Variants in FSHR observed in about 807,000 individuals in gnomAD.
The protein encoded by FSHR is follicle stimulating hormone receptor, also known as follicle-stimulating hormone receptor.
In FSHR, 46 loss-of-function variants were observed where a neutral mutation model predicts 52.1. The ratio of observed to expected loss-of-function variants is 0.88; its 90% CI spans 0.70 to 1.13. The LOEUF is 1.13. Among genes scored for constraint, FSHR ranks in the 50% most tolerant of loss-of-function variants. The pLI is 0.00. For synonymous variants in FSHR, 399 were observed against 309.6 expected, an observed-to-expected ratio of 1.29 and a Z score of -3.03; for missense variants, 964 against 834.6, an observed-to-expected ratio of 1.16 and a Z score of -1.91.
Position 48,963,889 on chromosome 2 carries a change from C to A in FSHR, c.932G>T (p.Arg311Ile). The change falls in exon 10 of 10, where the codon AGA becomes ATA. Residue 311 changes from arginine (R) to isoleucine (I), a missense_variant. By Grantham distance (97) the Arg-to-Ile change is moderately conservative (BLOSUM62 -3). Coordinates refer to ENST00000406846, the MANE Select transcript of FSHR (RefSeq NM_000145.4). ...CTCATTGTCTTCTGCCAGAGAGGAT[C>A]TCTGACCCCTAGCCTGAGTCATATA... is the stretch of plus-strand genomic sequence containing the variant. ...VDYMTQARGQ[R>I]SSLAEDNESS... 2 of 1,614,080 alleles carry A rather than the reference C, an allele frequency of 1.2e-6. No homozygotes were observed. The highest frequency in any genetic ancestry group is 1.7e-6 in the Non-Finnish European group (2 of 1,179,980).
intron 2 of FSHR, among the ~76,000 whole-genome samples, chr2:49,029,218 C>T (rs1001588053): frequency 6.6e-6 from 1 of 152,174 alleles, no homozygotes; most frequent in Non-Finnish European, 1.5e-5. Flanking sequence ...TATTTACTAC[C>T]TGTGATTGAG....
intron 4 of FSHR, among the ~76,000 whole-genome samples, chr2:48,995,277 A>C (rs2104120493): frequency 6.6e-6 from 1 of 152,212 alleles, no homozygotes; most frequent in South Asian, 2.1e-4. Flanking sequence ...AACACTCAGA[A>C]TGGTCTGGTG....
In FSHR at chr2:49,124,673, C is replaced by T. The variant is rs925603881; in HGVS notation, c.152+29593G>A. On this transcript the variant is annotated intron_variant, in intron 1 of 9. Transcript: ENST00000406846. ...CAACCTTCAAACTATGCCCAGAATC[C>T]GACCCCTTCTCATCACCTTCTCTGT... 9.2e-5 allele frequency among the ~76,000 whole-genome samples: 14 copies of T among 152,216 alleles called. No individual in the cohort carries two copies. In the East Asian group the frequency reaches 2.1e-3, roughly 23 times the overall value.
At chr2:49,060,764 G>C (rs887904313) in intron 2 of FSHR, among the ~76,000 whole-genome samples, 1 of 152,120 alleles carries the variant, frequency 6.6e-6, no homozygotes, top group Admixed American at 6.5e-5. Flanking sequence ...CCTATTCTGG[G>C]CTTCTGAGAT....
chr2:49,092,446 A>G lies in FSHR; in HGVS notation c.153-24156T>C, dbSNP rs546195056. On this transcript the variant is annotated intron_variant, in intron 1 of 9. Coordinates refer to ENST00000406846, the MANE Select transcript of FSHR (RefSeq NM_000145.4). The stretch of plus-strand genomic sequence containing the variant: ...GTGAAAGTGGACATTCTTGCTTTTT[A>G]TGTTTCACAATTAAGTATGGTGTTT... 3.9e-5 allele frequency among the ~76,000 whole-genome samples: 6 copies of G among 152,256 alleles called. No individual in the cohort carries two copies. The South Asian group carries it at 6.2e-4, about 16-fold the overall frequency.
chr2:49,071,951 G>C (rs1458410353), intron 1 of FSHR, among the ~76,000 whole-genome samples: 1 of 152,090 alleles, frequency 6.6e-6, no homozygotes, highest in Non-Finnish European at 1.5e-5. Flanking sequence ...CCTCCCACTA[G>C]GTCACATCTC....
chr2:49,038,429 G>A (rs1235525716), intron 2 of FSHR, among the ~76,000 whole-genome samples: 2 of 151,780 alleles, frequency 1.3e-5, no homozygotes, highest in Middle Eastern at 3.2e-3. Context: ...AGACCATCCT[G>A]GCTAACACGG....
At chr2:49,084,001 G>A (rs1038283601) in intron 1 of FSHR, among the ~76,000 whole-genome samples, 12 of 151,624 alleles carry the variant, frequency 7.9e-5, no homozygotes, top group South Asian at 2.1e-4. Flanking sequence ...AGACCTAATA[G>A]ACATCTACAG....
intron 1 of FSHR, among the ~76,000 whole-genome samples, chr2:49,088,823 C>G (rs767188411): frequency 7.4e-5 from 11 of 148,672 alleles, no homozygotes; most frequent in Admixed American, 1.4e-4. Context: ...ACAAGGAAAG[C>G]TGATCACTAC....
At chr2:49,031,632 A>G (rs1306420361) in intron 2 of FSHR, among the ~76,000 whole-genome samples, 1 of 152,172 alleles carries the variant, frequency 6.6e-6, no homozygotes, top group Non-Finnish European at 1.5e-5. Flanking sequence ...CTGGAGCTGT[A>G]GAACCAATGG....
chr2:48,969,673 C>G lies in FSHR; in HGVS notation c.669-790G>C, dbSNP rs144954920. 9.8e-4 allele frequency among the ~76,000 whole-genome samples: 150 copies of G among 152,346 alleles called. 1 individual carries two copies. Among genetic ancestry groups the G allele is most frequent in the African/African-American group, 3.2e-3 (135 of 41,570 alleles). On this transcript the variant is annotated intron_variant, in intron 8 of 9. Coordinates refer to ENST00000406846, the MANE Select transcript of FSHR (RefSeq NM_000145.4). ...GCAACTATTCTTAGTAAACATAACA[C>G]TGAGTGTGAGAGAGAGAAAGTTGTT...
At chr2:49,089,839 C>G (rs953379417) in intron 1 of FSHR, among the ~76,000 whole-genome samples, 4 of 152,308 alleles carry the variant, frequency 2.6e-5, no homozygotes, top group African/African-American at 7.2e-5. Flanking sequence ...AGCTGAGTCA[C>G]TGCTAGTGAT....
At position 48,963,870 on chromosome 2, in the gene FSHR, G is replaced by A; in HGVS notation, c.951C>T (p.Asp317=). ...ATCCTCTGCTGTAGCTGGACTCATT[G>A]TCTTCTGCCAGAGAGGATCTCTGAC... ...ARGQRSSLAE[D]NESSYSRGFD... is the part of the protein sequence containing the mutation. Residue 317 remains aspartate (D), a synonymous_variant, in exon 10 of 10, where the codon GAC becomes GAT. Transcript: ENST00000406846. 6.2e-7 allele frequency: 1 copy of A among 1,614,126 alleles called. No individual in the cohort carries two copies. Among genetic ancestry groups the A allele is most frequent in the Non-Finnish European group, 8.5e-7 (1 of 1,179,996 alleles).
chr2:49,112,399 A>G (rs1671454510), intron 1 of FSHR, among the ~76,000 whole-genome samples: 1 of 152,200 alleles, frequency 6.6e-6, no homozygotes, highest in African/African-American at 2.4e-5. Flanking sequence ...ATAATGCAGT[A>G]GAGGAGGATT....
intron 2 of FSHR, among the ~76,000 whole-genome samples, chr2:49,044,266 ACT>A (rs2104288631): frequency 6.6e-6 from 1 of 152,128 alleles, no homozygotes; most frequent in East Asian, 1.9e-4. Flanking sequence ...GCTGGGGGAA[ACT>A]CACATTTTCG....
At chr2:49,146,651 C>G (rs893304104) in intron 1 of FSHR, among the ~76,000 whole-genome samples, 1 of 151,948 alleles carries the variant, frequency 6.6e-6, no homozygotes, top group African/African-American at 2.4e-5. Flanking sequence ...AATCTGACGC[C>G]TAGAGAAAGC....
chr2:49,008,134 G>A lies in FSHR; in HGVS notation c.374+9355C>T, dbSNP rs551721689. Among the ~76,000 whole-genome samples the A allele has an allele frequency of 4.9e-5, 7 of 142,596 alleles. 1 individual carries two copies. Among genetic ancestry groups the A allele is most frequent in the East Asian group, 4.2e-4 (2 of 4,734 alleles). 93.5% of individuals were successfully genotyped at this position (142,596 alleles called of 152,430 possible). On this transcript the variant is annotated intron_variant, in intron 4 of 9. Coordinates refer to ENST00000406846, the MANE Select transcript of FSHR (RefSeq NM_000145.4). ...GCTGGTGCACTGCACCCACTAACTC[G>A]TCATCTAGCATTAGGTATATCTCCC... is the stretch of plus-strand genomic sequence containing the variant.
chr2:49,084,256 A>G lies in FSHR; in HGVS notation c.153-15966T>C, dbSNP rs1670290696. Among the ~76,000 whole-genome samples the G allele has an allele frequency of 2.6e-5, 4 of 152,190 alleles. No homozygotes were observed. The South Asian group carries it at 8.3e-4, about 32-fold the overall frequency. On this transcript the variant is annotated intron_variant, in intron 1 of 9. Transcript: ENST00000406846. The stretch of plus-strand genomic sequence containing the variant: ...GCCCCTGAATGACTACTGGGTACAT[A>G]ACGAAATGAAGGCAGAAATAAAGAT...
At chr2:49,092,014 G>A (rs1369790556) in intron 1 of FSHR, among the ~76,000 whole-genome samples, 1 of 152,104 alleles carries the variant, frequency 6.6e-6, no homozygotes, top group Non-Finnish European at 1.5e-5. Flanking sequence ...ACACAGTATG[G>A]CTTTCCATTA....
Sources: gnomAD v4.1 joint callset for allele counts (sites outside exome capture counted in the v4.1 genomes callset) on GRCh38, gnomAD v4.1.1 for gene constraint, MANE v1.5 for transcripts, NCBI Gene and HGNC (gene_info 2026-07-23, HGNC 2026-07-21) for gene names.